ATP9B: variants seen among roughly 807,000 people sequenced by gnomAD.
ATP9B encodes the protein ATPase phospholipid transporting 9B.
Under a neutral mutation model 146.1 loss-of-function variants are expected in ATP9B, and 110 were observed. The ratio of observed to expected loss-of-function variants is 0.75; its 90% CI spans 0.65 to 0.88. The LOEUF (loss-of-function observed/expected upper bound fraction) is 0.88, where lower values mean the gene tolerates loss of function less well. Among genes scored for constraint, ATP9B ranks in the 40% least tolerant of loss-of-function variants. The probability of loss-of-function intolerance (pLI) is 0.00; values close to 1 mark genes in which losing one functional copy is unlikely to be tolerated. For synonymous variants in ATP9B, 604 were observed against 569.7 expected (o/e 1.06, Z -0.86); for missense variants, 1,499 against 1,496.4 (o/e 1.00, Z -0.03).
intron 1 of ATP9B, among the ~76,000 whole-genome samples, chr18:79,070,417 C>T (rs971143525): frequency 1.3e-5 from 2 of 152,188 alleles, no homozygotes; most frequent in African/African-American, 4.8e-5. Flanking sequence ...TCTCGGGTAA[C>T]TTATTTAAAC....
intron 7 of ATP9B, among the ~76,000 whole-genome samples, chr18:79,159,295 AATT>A (rs965507780): frequency 6.6e-6 from 1 of 152,122 alleles, no homozygotes; most frequent in Admixed American, 6.6e-5. Context: ...TACACTTGCT[AATT>A]ATTATTATTC....
chr18:79,342,262 C>G lies in ATP9B; in HGVS notation c.2284-6C>G. 4 of 1,605,262 alleles carry G rather than the reference C, an allele frequency of 2.5e-6. No homozygotes were observed. The highest frequency in any genetic ancestry group is 2.2e-5 in the East Asian group (1 of 44,786). On this transcript the variant is annotated splice_region_variant and splice_polypyrimidine_tract_variant and intron_variant, in intron 19 of 29. Transcript: ENST00000426216. ...TTGAAATTCACCAGTTTAAATTGTT[C>G]CCTAGATATGGATGCTAACAGGCGA...
intron 8 of ATP9B, among the ~76,000 whole-genome samples, chr18:79,180,368 T>A (rs2095236625): frequency 6.6e-6 from 1 of 152,188 alleles, no homozygotes. Context: ...GTACGTTAGT[T>A]CTGTTTTGTG....
intron 25 of ATP9B, among the ~76,000 whole-genome samples, chr18:79,358,113 C>T (rs615706): frequency 1.2e-3 from 1 of 836 alleles, no homozygotes. Flanking sequence ...GTGAGGGGTG[C>T]CCTGGGTCTG....
intron 12 of ATP9B, among the ~76,000 whole-genome samples, chr18:79,275,281 CCTT>C (rs1287217240): frequency 1.6e-4 from 25 of 152,330 alleles, no homozygotes; most frequent in Admixed American, 3.9e-4. Flanking sequence ...TTGCCTGCCT[CCTT>C]CTTTCTTGAG....
intron 8 of ATP9B, among the ~76,000 whole-genome samples, chr18:79,191,519 T>G (rs1425916637): frequency 6.6e-6 from 1 of 152,202 alleles, no homozygotes; most frequent in African/African-American, 2.4e-5. Flanking sequence ...TTCAAAATAA[T>G]TTTTTCCTGT....
At chr18:79,111,673 T>C (rs1444337942) in intron 3 of ATP9B, among the ~76,000 whole-genome samples, 1 of 152,160 alleles carries the variant, frequency 6.6e-6, no homozygotes, top group Non-Finnish European at 1.5e-5. Context: ...GTCAGTAGAC[T>C]GTAGAGTATT....
chr18:79,241,222 C>G (rs7232195), intron 11 of ATP9B, among the ~76,000 whole-genome samples: 33,461 of 152,056 alleles, frequency 0.22, 4,118 homozygotes, highest in East Asian at 0.48. Context: ...AGCATTTTGA[C>G]TGCGTTTTTT....
intron 11 of ATP9B, among the ~76,000 whole-genome samples, chr18:79,233,983 T>G (rs1292346362): frequency 6.6e-6 from 1 of 152,298 alleles, no homozygotes; most frequent in East Asian, 1.9e-4. Context: ...CGTCTTCCAA[T>G]TGAGTAGGCT....
At chr18:79,076,552 T>A (rs1458131757) in intron 1 of ATP9B, among the ~76,000 whole-genome samples, 1 of 151,954 alleles carries the variant, frequency 6.6e-6, no homozygotes, top group Non-Finnish European at 1.5e-5. Context: ...GAGATAGGTG[T>A]CACTTTTCTC....
intron 8 of ATP9B, among the ~76,000 whole-genome samples, chr18:79,183,771 A>T (rs1222684637): frequency 7.4e-6 from 1 of 135,644 alleles, no homozygotes; most frequent in Non-Finnish European, 1.5e-5. Context: ...TGGGGGGAGT[A>T]TTTTTTTTTT....
At chr18:79,319,705 T>G (rs1324248741) in intron 15 of ATP9B, among the ~76,000 whole-genome samples, 1 of 152,204 alleles carries the variant, frequency 6.6e-6, no homozygotes, top group African/African-American at 2.4e-5. Flanking sequence ...TCCATTTCAT[T>G]TATTGCCAGA....
intron 26 of ATP9B, chr18:79,363,000 A>C: frequency 6.6e-6 from 1 of 152,234 alleles, no homozygotes; most frequent in Non-Finnish European, 1.5e-5. Context: ...ATAGTGAATA[A>C]GACAATAAAA....
At chr18:79,375,182 C>G (rs185449370) in intron 28 of ATP9B, among the ~76,000 whole-genome samples, 1 of 152,354 alleles carries the variant, frequency 6.6e-6, no homozygotes, top group Admixed American at 6.5e-5. Flanking sequence ...TTCTCAGACA[C>G]AGGAGCCTTT....
chr18:79,209,679 A>T (rs537344578), intron 10 of ATP9B: 2 of 985,378 alleles, frequency 2.0e-6, no homozygotes, highest in Non-Finnish European at 2.4e-6. Context: ...CCTAGTGGGC[A>T]TGAAGACGGC....
chr18:79,289,087 T>C (rs1200528198), intron 13 of ATP9B, among the ~76,000 whole-genome samples: 1 of 152,170 alleles, frequency 6.6e-6, no homozygotes, highest in Non-Finnish European at 1.5e-5. Flanking sequence ...CTGACAATTA[T>C]GTGTCTTGGA....
intron 5 of ATP9B, among the ~76,000 whole-genome samples, chr18:79,142,480 AGG>A (rs1297709023): frequency 6.6e-6 from 1 of 152,184 alleles, no homozygotes; most frequent in African/African-American, 2.4e-5. Context: ...GCTAGGAGAG[AGG>A]GTGAAATTAG....
intron 25 of ATP9B, among the ~76,000 whole-genome samples, chr18:79,350,842 C>T (rs968088745): frequency 3.3e-5 from 5 of 149,392 alleles, no homozygotes; most frequent in African/African-American, 1.2e-4. Flanking sequence ...GATCTCAGCT[C>T]GCTGCAACCT....
chr18:79,264,847 C>A (rs7237176), intron 12 of ATP9B, among the ~76,000 whole-genome samples: 2,413 of 152,208 alleles, frequency 0.016, 71 homozygotes, highest in African/African-American at 0.054. Flanking sequence ...TGTTCTGTTC[C>A]CTTGGACTGT....
Sources: allele counts gnomAD v4.1 joint callset (sites outside exome capture counted in the v4.1 genomes callset), GRCh38; gene constraint gnomAD v4.1.1; transcripts MANE v1.5; gene names NCBI Gene and HGNC (gene_info 2026-07-23, HGNC 2026-07-21).